Variants in PYROXD1 observed in about 807,000 individuals in gnomAD.
PYROXD1 encodes pyridine nucleotide-disulphide oxidoreductase domain 1, also known as tRNA ligase complex-associated NAD(P)H dehydrogenase PYROXD1.
Under a neutral mutation model 62.0 loss-of-function variants are expected in PYROXD1, and 42 were observed. The ratio of observed to expected loss-of-function variants is 0.68; its 90% CI spans 0.53 to 0.88. PYROXD1 has a LOEUF of 0.88. PYROXD1 is among the 40% of genes least tolerant of loss of function. The pLI, the probability that PYROXD1 is intolerant of heterozygous loss-of-function variation, is 0.00. For synonymous variants in PYROXD1, 170 were observed against 206.4 expected, an observed-to-expected ratio of 0.82 and a Z score of 1.51; for missense variants, 493 against 604.8, an observed-to-expected ratio of 0.82 and a Z score of 1.94.
At chr12:21,456,400 A>G (rs1942598030) in intron 7 of PYROXD1, among the ~76,000 whole-genome samples, 2 of 152,166 alleles carry the variant, frequency 1.3e-5, no homozygotes, top group Admixed American at 1.3e-4. Context: ...AGGAAATGAT[A>G]TACCACAATA....
chr12:21,462,787 C>G lies in PYROXD1; in HGVS notation c.1041C>G (p.His347Gln), dbSNP rs1335821843. 1.2e-6 allele frequency: 2 copies of G among 1,613,692 alleles called. No homozygotes were observed. The highest frequency in any genetic ancestry group is 2.7e-5 in the African/African-American group (2 of 74,900). The change falls in exon 10 of 12, where the codon CAC becomes CAG. Residue 347 changes from histidine to glutamine, a missense_variant. This residue lies in a region of PYROXD1 where 329 missense variants were observed against 446.6 expected (regional missense o/e 0.74). Transcript: ENST00000240651. ...GCCTGAAAGTGGATGATCATATGCA[C>G]ACATCCCTTCCTGATATCTATGCTG... is the stretch of plus-strand genomic sequence containing the variant. ...DGGLKVDDHM[H>Q]TSLPDIYAAG...
At chr12:21,448,626 AT>A (rs1194672288) in intron 3 of PYROXD1, among the ~76,000 whole-genome samples, 1 of 152,256 alleles carries the variant, frequency 6.6e-6, no homozygotes, top group Non-Finnish European at 1.5e-5. Context: ...AATTTGAGTT[AT>A]AAATGTCTCA....
chr12:21,449,757 T>C (rs1271919268), intron 4 of PYROXD1, 66 bp downstream of exon 4: 2 of 1,420,372 alleles, frequency 1.4e-6, no homozygotes, highest in Non-Finnish European at 1.9e-6. Context: ...AATTAAAGTG[T>C]TCCACTTACA....
At chr12:21,443,695 A>G (rs2137244367) in intron 2 of PYROXD1, among the ~76,000 whole-genome samples, 1 of 152,308 alleles carries the variant, frequency 6.6e-6, no homozygotes, top group South Asian at 2.1e-4. Context: ...CCCACCCTTC[A>G]GTGAAGACTA....
At chr12:21,457,158 CTTA>C in intron 7 of PYROXD1, 1 of 211,882 alleles carries the variant, frequency 4.7e-6, no homozygotes, top group Non-Finnish European at 9.2e-6. Flanking sequence ...CATGAATGTT[CTTA>C]ATAACATCTA....
In PYROXD1 at chr12:21,455,992, T is replaced by C. The variant is rs1490628878; in HGVS notation, c.650-3T>C. The C allele has an allele frequency of 1.3e-6, 2 of 1,581,514 alleles. No homozygotes were observed. Among genetic ancestry groups the C allele is most frequent in the Admixed American group, 1.7e-5 (1 of 58,154 alleles). ...TTTATATTATTTAATTTCATCTCTT[T>C]AGGAAGGAAAAAGGAAGCTAGAAGC... On this transcript the variant is annotated splice_polypyrimidine_tract_variant and splice_region_variant and intron_variant, in intron 6 of 11. Coordinates refer to ENST00000240651, the MANE Select transcript of PYROXD1 (RefSeq NM_024854.5).
chr12:21,446,461 G>T (rs1942391120), intron 3 of PYROXD1, among the ~76,000 whole-genome samples: 2 of 151,812 alleles, frequency 1.3e-5, no homozygotes, highest in South Asian at 4.1e-4. Flanking sequence ...TTTATATTTG[G>T]GAGAAATTGT....
intron 1 of PYROXD1, 79 bp downstream of exon 1, chr12:21,437,893 T>G: frequency 1.6e-6 from 2 of 1,270,100 alleles, no homozygotes; most frequent in Non-Finnish European, 2.2e-6. Context: ...TCCCACCCCC[T>G]CCCTTTTTCT....
chr12:21,466,030 C>T (rs926099019), intron 10 of PYROXD1, among the ~76,000 whole-genome samples: 1 of 152,114 alleles, frequency 6.6e-6, no homozygotes, highest in Non-Finnish European at 1.5e-5. Context: ...GTCTATATCT[C>T]TGTTTTGGTA....
At chr12:21,451,396 T>C (rs1385871509) in intron 4 of PYROXD1, among the ~76,000 whole-genome samples, 2 of 152,094 alleles carry the variant, frequency 1.3e-5, no homozygotes, top group Admixed American at 1.3e-4. Flanking sequence ...TGATCTTTTT[T>C]TTCTGGGGGG....
At position 21,462,315 on chromosome 12, in the gene PYROXD1, G is replaced by T. The variant is rs576450850; in HGVS notation, c.993+195G>T. Among the ~76,000 whole-genome samples the T allele has an allele frequency of 0.029, 4,411 of 152,144 alleles. 107 individuals carry two copies. Among genetic ancestry groups the T allele is most frequent in the Middle Eastern group, 0.1 (30 of 292 alleles). On this transcript the variant is annotated intron_variant, in intron 9 of 11. Transcript: ENST00000240651. Reference sequence around the variant, plus strand: ...AAAATCCTTACATAGTTATATCCTTGCATAAGCGTCATCAGTAATGGTTTA... The same window carrying T: ...AAAATCCTTACATAGTTATATCCTTTCATAAGCGTCATCAGTAATGGTTTA...
chr12:21,445,191 G>A (rs1324631428), intron 2 of PYROXD1, among the ~76,000 whole-genome samples, 156 bp from the exon 3 acceptor site: 2 of 152,174 alleles, frequency 1.3e-5, no homozygotes, highest in Non-Finnish European at 2.9e-5. Context: ...TAAATGCTGA[G>A]TCTAGTCCTC....
intron 6 of PYROXD1, 83 bp downstream of exon 6, chr12:21,455,375 A>T: frequency 1.2e-6 from 1 of 854,878 alleles, no homozygotes; most frequent in Non-Finnish European, 1.6e-6. Flanking sequence ...AAATTTAATA[A>T]AATAAATTTT....
intron 7 of PYROXD1, among the ~76,000 whole-genome samples, chr12:21,459,235 C>A (rs926047056): frequency 1.3e-5 from 2 of 152,138 alleles, no homozygotes; most frequent in Middle Eastern, 3.4e-3. Flanking sequence ...TTAAGCCAAT[C>A]ACTAGCAGCC....
chr12:21,443,032 G>A (rs1201434671), intron 2 of PYROXD1, among the ~76,000 whole-genome samples: 1 of 151,834 alleles, frequency 6.6e-6, no homozygotes, highest in Non-Finnish European at 1.5e-5. Flanking sequence ...TTTTTAATGG[G>A]GGAATGAAGG....
At position 21,437,758 on chromosome 12, in the gene PYROXD1, G is replaced by C. The variant is rs747803037; in HGVS notation, c.28G>C (p.Ala10Pro). ...GGAGGCAGCGCGCCCTCCCCCGACG[G>C]CAGGGAAGTTCGTGGTGGTCGGCGG... The part of the protein sequence containing the change: MEAARPPPT[A>P]GKFVVVGGGI... Residue 10 changes from alanine to proline, a missense_variant, in exon 1 of 12, where the codon GCA (alanine) becomes CCA (proline). Ala to Pro is a conservative substitution (Grantham distance 27, BLOSUM62 -1). Transcript: ENST00000240651. The C allele has an allele frequency of 6.2e-7, 1 of 1,613,268 alleles. No homozygotes were observed. Among genetic ancestry groups the C allele is most frequent in the Admixed American group, 1.7e-5 (1 of 59,960 alleles).
chr12:21,470,779 G>A lies in PYROXD1; in HGVS notation c.*2025G>A, dbSNP rs1942930772. Reference sequence around the variant, plus strand: ...GGAAACCCCTAGTTTATGTTAAAAGGCCAGTCTAAATTCTTTCACTTACAT... The same window carrying A: ...GGAAACCCCTAGTTTATGTTAAAAGACCAGTCTAAATTCTTTCACTTACAT... On this transcript the variant is annotated 3_prime_UTR_variant, in exon 12 of 12. Transcript: ENST00000240651. 2 of 399,354 alleles carry A rather than the reference G, an allele frequency of 5.0e-6. No homozygotes were observed. Among genetic ancestry groups the A allele is most frequent in the Non-Finnish European group, 8.5e-6 (2 of 236,000 alleles). 24.7% of individuals were successfully genotyped at this position (399,354 alleles called of 1,614,324 possible). A position where few individuals can be genotyped will look rare whatever the true frequency, so the allele number is the denominator to read the frequency against.
chr12:21,450,775 T>A (rs1053867342), intron 4 of PYROXD1, among the ~76,000 whole-genome samples: 1 of 152,208 alleles, frequency 6.6e-6, no homozygotes, highest in African/African-American at 2.4e-5. Flanking sequence ...TATAAACAAT[T>A]TAAGTTCATA....
intron 3 of PYROXD1, among the ~76,000 whole-genome samples, chr12:21,446,017 T>G (rs74067167): frequency 0.015 from 2,252 of 152,004 alleles, 45 homozygotes; most frequent in African/African-American, 0.048. Flanking sequence ...AAAAGAAATA[T>G]GAAGAATAGA....
Sources: allele counts gnomAD v4.1 joint callset (sites outside exome capture counted in the v4.1 genomes callset), GRCh38; gene constraint gnomAD v4.1.1; regional missense constraint gnomAD v4.1.1; transcripts MANE v1.5; gene names NCBI Gene and HGNC (gene_info 2026-07-23, HGNC 2026-07-21).